PTAR1: variants seen among roughly 807,000 people sequenced by gnomAD.
PTAR1 encodes the protein protein prenyltransferase alpha subunit repeat-containing protein 1.
PTAR1 carries 17 observed loss-of-function variants against 45.5 expected under a neutral mutation model. The observed-to-expected ratio is 0.37, with a 90% CI of 0.26 to 0.56. The LOEUF is 0.56. PTAR1 is among the 20% of genes least tolerant of loss of function. PTAR1 has a pLI of 0.77. For synonymous variants in PTAR1, 169 were observed against 171.3 expected, an observed-to-expected ratio of 0.99 and a Z score of 0.11; for missense variants, 391 against 476.3, an observed-to-expected ratio of 0.82 and a Z score of 1.67.
At chr9:69,759,231 G>A (rs937008691) in intron 1 of PTAR1, among the ~76,000 whole-genome samples, 2 of 152,104 alleles carry the variant, frequency 1.3e-5, no homozygotes, top group Admixed American at 1.3e-4. Flanking sequence ...AAGTATCAAG[G>A]TTTCATTTGC....
intron 3 of PTAR1, chr9:69,741,513 G>C (rs7867543): frequency 0.92 from 332,243 of 361,558 alleles, 153,482 homozygotes; most frequent in Middle Eastern, 0.97. Context: ...TTGCCCATTA[G>C]TCTCCCACCC....
At chr9:69,738,236 A>G (rs1320207427) in intron 3 of PTAR1, among the ~76,000 whole-genome samples, 4 of 152,194 alleles carry the variant, frequency 2.6e-5, no homozygotes, top group Non-Finnish European at 5.9e-5. Flanking sequence ...CAAAGAGGTA[A>G]AGTGACATTT....
At position 69,754,083 on chromosome 9, in the gene PTAR1, ATAGG is replaced by A. The variant is rs200886856; in HGVS notation, c.87-3137_87-3134del. ...AAAACATTACACATACTTTGTAAAC[ATAGG>A]TAGGTCAGTAAGCTTCCAAATAATA... On this transcript the variant is annotated intron_variant, in intron 1 of 7. Transcript: ENST00000340434. 4.8e-3 allele frequency among the ~76,000 whole-genome samples: 735 copies of A among 152,320 alleles called. 5 individuals are homozygous for A. The highest frequency in any genetic ancestry group is 0.017 in the African/African-American group (698 of 41,578).
intron 1 of PTAR1, among the ~76,000 whole-genome samples, chr9:69,752,563 T>C (rs1270335446): frequency 6.6e-6 from 1 of 152,112 alleles, no homozygotes; most frequent in Non-Finnish European, 1.5e-5. Context: ...ATATACTATA[T>C]CAATACTATC....
At chr9:69,730,822 CTG>C (rs2134104924) in intron 5 of PTAR1, among the ~76,000 whole-genome samples, 1 of 152,020 alleles carries the variant, frequency 6.6e-6, no homozygotes, top group African/African-American at 2.4e-5. Context: ...ATCAAGCAAA[CTG>C]GTAGCCAATT....
chr9:69,750,961 A>G lies in PTAR1; in HGVS notation c.87-11T>C, dbSNP rs754837724. On this transcript the variant is annotated splice_polypyrimidine_tract_variant and intron_variant, in intron 1 of 7. Coordinates refer to ENST00000340434, the MANE Select transcript of PTAR1 (RefSeq NM_001099666.2). ...AGGCCAATTTCATCTCTTAATATGT[A>G]AAACATAAAAAAGAATTAAAAATAA... 1 of 1,510,952 alleles carries G rather than the reference A, an allele frequency of 6.6e-7. No homozygotes were observed. 93.6% of individuals were successfully genotyped at this position (1,510,952 alleles called of 1,614,324 possible).
rs549295961 is a variant in PTAR1 at position 69,710,585 on chromosome 9, C to T, written c.*7757G>A. The T allele has an allele frequency of 2.6e-5, 4 of 152,204 alleles. No homozygotes were observed. The South Asian group carries it at 8.3e-4, about 32-fold the overall frequency. The allele number at this position is 152,204 out of a possible 1,614,324, so 9.4% of individuals were successfully genotyped here. ...CATATAAATTATTGCAAAATTCATT[C>T]TTATCTCTCTGAAAGATATGCATTT... On this transcript the variant is annotated 3_prime_UTR_variant, in exon 8 of 8. Coordinates refer to ENST00000340434, the MANE Select transcript of PTAR1 (RefSeq NM_001099666.2).
intron 2 of PTAR1, 122 bp downstream of exon 2, chr9:69,750,657 CGA>C: frequency 1.4e-6 from 1 of 700,074 alleles, no homozygotes; most frequent in Non-Finnish European, 2.3e-6. Flanking sequence ...TAGCACCCAC[CGA>C]GACAGTGAAC....
chr9:69,716,846 G>GGA lies in PTAR1; in HGVS notation c.*1495_*1496insTC, dbSNP rs1824745826. On this transcript the variant is annotated 3_prime_UTR_variant, in exon 8 of 8. Transcript: ENST00000340434. ...AGGTATGAAATTCATTGCAAATAGG[G>GGA]GGTAGAAATCTTGAAGACACACCCC... 6.6e-6 allele frequency: 1 copy of GGA among 152,026 alleles called. No homozygotes were observed. Among genetic ancestry groups the GGA allele is most frequent in the African/African-American group, 2.4e-5 (1 of 41,386 alleles). The allele number at this position is 152,026 out of a possible 1,614,324, so 9.4% of individuals were successfully genotyped here. A position where few individuals can be genotyped will look rare whatever the true frequency, so the allele number is the denominator to read the frequency against.
rs147027996 is a variant in PTAR1, at chr9:69,722,453, C to A, written c.947+873G>T. Among the ~76,000 whole-genome samples, 871 of 152,268 alleles carry A rather than the reference C, an allele frequency of 5.7e-3. 9 individuals carry two copies. The highest frequency in any genetic ancestry group is 0.018 in the African/African-American group (739 of 41,552). On this transcript the variant is annotated intron_variant, in intron 6 of 7. Coordinates refer to ENST00000340434, the MANE Select transcript of PTAR1 (RefSeq NM_001099666.2). ...GCTAACCCTTTTTCACTCTTTGCTA[C>A]CAGACTTTCCCCTCTCTCAAAGAGA... is the stretch of plus-strand genomic sequence containing the variant.
intron 5 of PTAR1, among the ~76,000 whole-genome samples, chr9:69,731,726 T>C (rs1310369701): frequency 6.6e-6 from 1 of 152,050 alleles, no homozygotes; most frequent in Non-Finnish European, 1.5e-5. Flanking sequence ...TGTCTATCCC[T>C]GCCCTCCTCT....
Position 69,713,959 on chromosome 9 carries a change from CTTAAACA to C in PTAR1, c.*4376_*4382del, listed in dbSNP as rs1824624754. On this transcript the variant is annotated 3_prime_UTR_variant, in exon 8 of 8. Transcript: ENST00000340434. The stretch of plus-strand genomic sequence containing the variant: ...TTTGATAAAACTTCCATCCTGTTTT[CTTAAACA>C]TTAAATATAATCTTGCTCCCAAAAA... The C allele has an allele frequency of 6.6e-6, 1 of 152,112 alleles. No homozygotes were observed. The highest frequency in any genetic ancestry group is 2.4e-5 in the African/African-American group (1 of 41,442). The allele number at this position is 152,112 out of a possible 1,614,324, so 9.4% of individuals were successfully genotyped here. A position where few individuals can be genotyped will look rare whatever the true frequency, so the allele number is the denominator to read the frequency against.
chr9:69,724,417 A>T (rs1174375017), intron 5 of PTAR1, among the ~76,000 whole-genome samples: 1 of 152,268 alleles, frequency 6.6e-6, no homozygotes, highest in Non-Finnish European at 1.5e-5. Context: ...GGTCGCAAAC[A>T]TAAATCAGTG....
chr9:69,737,333 G>A (rs1825837236), intron 3 of PTAR1, among the ~76,000 whole-genome samples: 1 of 151,988 alleles, frequency 6.6e-6, no homozygotes, highest in Non-Finnish European at 1.5e-5. Flanking sequence ...CACCCATCTC[G>A]GCCTCCCAAA....
intron 2 of PTAR1, among the ~76,000 whole-genome samples, chr9:69,746,646 G>C (rs1163308889): frequency 6.6e-6 from 1 of 152,120 alleles, no homozygotes; most frequent in Non-Finnish European, 1.5e-5. Flanking sequence ...GCAAATAAAT[G>C]TTCCTTTGTT....
intron 3 of PTAR1, chr9:69,741,583 A>G: frequency 1.8e-6 from 1 of 546,008 alleles, no homozygotes; most frequent in Non-Finnish European, 3.3e-6. Flanking sequence ...CAACATGACA[A>G]TTTATATTTC....
intron 3 of PTAR1, among the ~76,000 whole-genome samples, chr9:69,739,794 A>G (rs902542985): frequency 1.3e-5 from 2 of 152,212 alleles, no homozygotes; most frequent in Non-Finnish European, 2.9e-5. Context: ...AAAATTTACT[A>G]GAACACATAT....
chr9:69,746,530 A>G (rs1170543878), intron 2 of PTAR1, among the ~76,000 whole-genome samples: 7 of 152,218 alleles, frequency 4.6e-5, no homozygotes, highest in Admixed American at 1.3e-4. Context: ...TTCATCAACA[A>G]TACGCCATTT....
chr9:69,734,353 G>T (rs1322715358), intron 3 of PTAR1, 99 bp from the exon 4 acceptor site: 16 of 469,014 alleles, frequency 3.4e-5, no homozygotes, highest in Non-Finnish European at 3.8e-5. Context: ...ATTGTGAAGC[G>T]AATGTCTAAG....
Sources: gnomAD v4.1 joint callset for allele counts (sites outside exome capture counted in the v4.1 genomes callset) on GRCh38, gnomAD v4.1.1 for gene constraint, MANE v1.5 for transcripts, NCBI Gene and HGNC (gene_info 2026-07-23, HGNC 2026-07-21) for gene names.